LILRA1: variants seen among roughly 807,000 people sequenced by gnomAD.
LILRA1 encodes leukocyte immunoglobulin like receptor A1.
A neutral mutation model predicts 51.6 loss-of-function variants in LILRA1; 51 were observed. The ratio of observed to expected loss-of-function variants is 0.99; its 90% confidence interval spans 0.79 to 1.25. LILRA1 has a LOEUF of 1.25. LILRA1 is among the 50% of genes most tolerant of loss of function. The pLI, the probability that LILRA1 is intolerant of heterozygous loss-of-function variation, is 0.00. For synonymous variants in LILRA1, 305 were observed against 248.4 expected (o/e 1.23, Z -2.14); for missense variants, 660 against 611.7 (o/e 1.08, Z -0.83).
In LILRA1 at chr19:54,595,850, C is replaced by G. The variant is rs565937333; in HGVS notation, c.873C>G (p.Tyr291Ter). ...NFTLGPVSRS[Y>*]GGQYRCSGAY... ...CCCTGGGCCCTGTGAGCCGCTCCTA[C>G]GGGGGCCAGTACAGATGCTCCGGTG... The change falls in exon 6 of 10, where the codon TAC (tyrosine) becomes TAG (stop). Residue 291 changes from tyrosine to a stop codon, truncating the protein, a stop_gained. Coordinates refer to ENST00000251372, the MANE Select transcript of LILRA1 (RefSeq NM_006863.4). LOFTEE classifies it high-confidence loss of function. 6.2e-7 allele frequency: 1 copy of G among 1,614,156 alleles called. No individual in the cohort carries two copies. The highest frequency in any genetic ancestry group is 1.1e-5 in the South Asian group (1 of 91,082).
intron 8 of LILRA1, among the ~76,000 whole-genome samples, chr19:54,600,135 C>A (rs1352500976): frequency 1.3e-5 from 2 of 152,114 alleles, no homozygotes; most frequent in African/African-American, 4.8e-5. Context: ...ACCAACCTCC[C>A]ATGCATGGAG....
In LILRA1 at chr19:54,600,785, T is replaced by C; in HGVS notation, c.1438T>C (p.Phe480Leu). Residue 480 changes from phenylalanine to leucine, a missense_variant, in exon 10 of 10, where the codon TTT becomes CTT. Transcript: ENST00000251372. ...CCTGGTGGTCCTCGGGATTCTGCTA[T>C]TTGAGGCTCAGCACAGCCAGAGAAG... ...LVLVVLGILL[F>L]EAQHSQRSL 2 of 1,614,066 alleles carry C rather than the reference T, an allele frequency of 1.2e-6. No homozygotes were observed. Among genetic ancestry groups the C allele is most frequent in the Non-Finnish European group, 1.7e-6 (2 of 1,180,004 alleles).
Position 54,595,404 on chromosome 19 carries a change from T to C in LILRA1, c.661+2T>C. 2 of 1,603,284 alleles carry C rather than the reference T, an allele frequency of 1.2e-6. No homozygotes were observed. The highest frequency in any genetic ancestry group is 1.7e-6 in the Non-Finnish European group (2 of 1,174,320). On this transcript the variant is annotated splice_donor_variant, in intron 5 of 9. Coordinates refer to ENST00000251372, the MANE Select transcript of LILRA1 (RefSeq NM_006863.4). LOFTEE classifies it high-confidence loss of function. ...ATCTCCTGGAGCTCCTGGTCCTAGG[T>C]GAGAAATTCACAGCATTGCCTGGAG... is the stretch of plus-strand genomic sequence containing the variant.
At chr19:54,600,634 T>A in intron 9 of LILRA1, 65 bp from the exon 10 acceptor site, 1 of 1,608,454 alleles carries the variant, frequency 6.2e-7, no homozygotes. Flanking sequence ...TGGGTGGACA[T>A]CCAGAGGTCC....
rs2063149375 is a variant in LILRA1 at position 54,600,754 on chromosome 19, C to T, written c.1407C>T (p.Gly469=). 8 of 1,614,052 alleles carry T rather than the reference C, an allele frequency of 5.0e-6. No individual in the cohort carries two copies. The highest frequency in any genetic ancestry group is 5.9e-6 in the Non-Finnish European group (7 of 1,180,036). The change falls in exon 10 of 10, where the codon GGC becomes GGT. Residue 469 remains glycine (G), a synonymous_variant. Coordinates refer to ENST00000251372, the MANE Select transcript of LILRA1 (RefSeq NM_006863.4). ...VENLIRMGIA[G]LVLVVLGILL... is the part of the protein sequence containing the mutation. ...ATCTCATCCGCATGGGCATAGCTGG[C>T]TTGGTCCTGGTGGTCCTCGGGATTC...
At chr19:54,595,581 A>G in intron 5 of LILRA1, 58 bp from the exon 6 acceptor site, 5 of 1,507,706 alleles carry the variant, frequency 3.3e-6, no homozygotes, top group African/African-American at 1.7e-5. Context: ...GGGGAGAGGG[A>G]GGATATGTGG....
In LILRA1 at chr19:54,594,975, CA is replaced by C. The variant is rs766463323; in HGVS notation, c.358+24del. On this transcript the variant is annotated intron_variant, in intron 4 of 9. Coordinates refer to ENST00000251372, the MANE Select transcript of LILRA1 (RefSeq NM_006863.4). Reference sequence around the variant, plus strand: ...CAGGTGAGCTGACACTGAGGGCTCCCAGCCCCAGGCTCTGCCCTCAGGAAGG... The same window carrying C: ...CAGGTGAGCTGACACTGAGGGCTCCCGCCCCAGGCTCTGCCCTCAGGAAGG... The C allele has an allele frequency of 4.3e-6, 7 of 1,612,380 alleles. No individual in the cohort carries two copies. The Admixed American group carries it at 1.2e-4, about 27-fold the overall frequency.
At chr19:54,596,530 T>A in intron 7 of LILRA1, 39 bp downstream of exon 7, 3 of 1,613,242 alleles carry the variant, frequency 1.9e-6, no homozygotes, top group Non-Finnish European at 2.5e-6. Context: ...GCTCAAAGGA[T>A]CAGCTCAGGC....
chr19:54,594,239 G>C lies in LILRA1; in HGVS notation c.-6G>C. 6.2e-7 allele frequency: 1 copy of C among 1,613,058 alleles called. No homozygotes were observed. On this transcript the variant is annotated 5_prime_UTR_variant, in exon 2 of 10. Transcript: ENST00000251372. ...TCCGCAGAGCAGGGCAGTGGGAGGA[G>C]ACGCTATGACCCCCATCGTCACAGT...
chr19:54,596,566 A>T, intron 7 of LILRA1, 75 bp downstream of exon 7: 1 of 1,581,048 alleles, frequency 6.3e-7, no homozygotes, highest in Non-Finnish European at 8.6e-7. Flanking sequence ...AGCTCTGGAC[A>T]CTAAGAAAAG....
At chr19:54,600,389 A>G (rs1163670888) in intron 8 of LILRA1, 123 bp from the exon 9 acceptor site, 1 of 893,178 alleles carries the variant, frequency 1.1e-6, no homozygotes, top group Non-Finnish European at 1.8e-6. Context: ...GAACCCTGCT[A>G]CACAGGAAGG....
intron 7 of LILRA1, among the ~76,000 whole-genome samples, chr19:54,597,662 G>C (rs1308214769): frequency 6.6e-6 from 1 of 151,936 alleles, no homozygotes; most frequent in Non-Finnish European, 1.5e-5. Flanking sequence ...GTTGGAAAGA[G>C]GACAGACAGA....
intron 6 of LILRA1, 56 bp downstream of exon 6, chr19:54,595,991 G>T: frequency 3.1e-6 from 5 of 1,592,390 alleles, no homozygotes; most frequent in Middle Eastern, 2.3e-4. Flanking sequence ...GCCCTGCCAG[G>T]GGAGCCCAGG....
At position 54,594,678 on chromosome 19, in the gene LILRA1, G is replaced by T; in HGVS notation, c.84G>T (p.Lys28Asn). ...ATTTCCTTCCAGGGACCCTCCCCAA[G>T]CCCACACTCTGGGCTGAGCCAGGCT... Reference protein sequence around the residue: ...RTHVQAGTLPKPTLWAEPGSV... With the variant: ...RTHVQAGTLPNPTLWAEPGSV... The change falls in exon 4 of 10, where the codon AAG becomes AAT. Residue 28 changes from lysine to asparagine, a missense_variant. Transcript: ENST00000251372. 1 of 1,613,030 alleles carries T rather than the reference G, an allele frequency of 6.2e-7. No individual in the cohort carries two copies. The highest frequency in any genetic ancestry group is 8.5e-7 in the Non-Finnish European group (1 of 1,179,524).
chr19:54,594,445 G>C lies in LILRA1; in HGVS notation c.39G>C (p.Leu13=), dbSNP rs780169638. Residue 13 remains leucine (L), a synonymous_variant, in exon 3 of 10, where the codon CTG becomes CTC. Coordinates refer to ENST00000251372, the MANE Select transcript of LILRA1 (RefSeq NM_006863.4). ...TCACAGGGAACTCTCTTCCAGGGCT[G>C]AGTCTGGGCCCCCGGACCCACGTGC... ...PIVTVLICLR[L]SLGPRTHVQA... 3 of 1,614,082 alleles carry C rather than the reference G, an allele frequency of 1.9e-6. No individual in the cohort carries two copies. The highest frequency in any genetic ancestry group is 2.2e-5 in the East Asian group (1 of 44,896).
In LILRA1 at chr19:54,594,878, G is replaced by A. The variant is rs376376360; in HGVS notation, c.284G>A (p.Arg95Gln). The change falls in exon 4 of 10, where the codon CGG becomes CAG. Residue 95 changes from arginine to glutamine, a missense_variant. Transcript: ENST00000251372. Reference protein sequence around the residue: ...IPSITWEHTGRYRCFYGSHTA... With the variant: ...IPSITWEHTGQYRCFYGSHTA... ...TCCATCACCTGGGAACACACAGGGCGGTATCGCTGTTTCTACGGTAGCCAC... is the reference window on the plus strand; with the variant it reads ...TCCATCACCTGGGAACACACAGGGCAGTATCGCTGTTTCTACGGTAGCCAC... 58 of 1,614,154 alleles carry A rather than the reference G, an allele frequency of 3.6e-5. No individual in the cohort carries two copies. The highest frequency in any genetic ancestry group is 3.3e-4 in the Middle Eastern group (2 of 6,062).
chr19:54,595,389 G>A lies in LILRA1; in HGVS notation c.648G>A (p.Glu216=). ...GGTCTCTACCCAGTGATCTCCTGGA[G>A]CTCCTGGTCCTAGGTGAGAAATTCA... ...HVWSLPSDLL[E]LLVLGVSKKP... is the part of the protein sequence containing the mutation. The change falls in exon 5 of 10, where the codon GAG becomes GAA. Residue 216 remains glutamate, a synonymous_variant. Coordinates refer to ENST00000251372, the MANE Select transcript of LILRA1 (RefSeq NM_006863.4). 1 of 1,610,480 alleles carries A rather than the reference G, an allele frequency of 6.2e-7. No individual in the cohort carries two copies. The highest frequency in any genetic ancestry group is 8.5e-7 in the Non-Finnish European group (1 of 1,177,870).
chr19:54,596,416 A>G lies in LILRA1; in HGVS notation c.1186A>G (p.Arg396Gly), dbSNP rs148953809. ...PVTSAHSGTY[R>G]CYGSLSSNPY... ...GACCTCAGCCCACTCGGGGACCTACAGGTGCTACGGCTCACTCAGCTCCAA... is the reference window on the plus strand; with the variant it reads ...GACCTCAGCCCACTCGGGGACCTACGGGTGCTACGGCTCACTCAGCTCCAA... The change falls in exon 7 of 10, where the codon AGG becomes GGG. Residue 396 changes from arginine (R) to glycine (G), a missense_variant. Coordinates refer to ENST00000251372, the MANE Select transcript of LILRA1 (RefSeq NM_006863.4). 6.2e-7 allele frequency: 1 copy of G among 1,614,144 alleles called. No individual in the cohort carries two copies. The highest frequency in any genetic ancestry group is 8.5e-7 in the Non-Finnish European group (1 of 1,180,008).
In LILRA1 at chr19:54,602,272, T is replaced by C. The variant is rs189776346; in HGVS notation, c.*1455T>C. On this transcript the variant is annotated 3_prime_UTR_variant, in exon 10 of 10. Transcript: ENST00000251372. ...AGTAAACAAATCTTATCATTCGCCA[T>C]CTACCCTCTAGAATAGAGAAATCTT... is the stretch of plus-strand genomic sequence containing the variant. Among the ~76,000 whole-genome samples the C allele has an allele frequency of 2.1e-5, 3 of 142,174 alleles. No individual in the cohort carries two copies. The highest frequency in any genetic ancestry group is 4.9e-5 in the Non-Finnish European group (3 of 61,362). The allele number at this position is 142,174 out of a possible 152,430, so 93.3% of individuals were successfully genotyped here. A position where few individuals can be genotyped will look rare whatever the true frequency, so the allele number is the denominator to read the frequency against.
Sources: allele counts gnomAD v4.1 joint callset (sites outside exome capture counted in the v4.1 genomes callset), GRCh38; gene constraint gnomAD v4.1.1; transcripts MANE v1.5; gene names NCBI Gene and HGNC (gene_info 2026-07-23, HGNC 2026-07-21).